The following RPS6KA2 variants were observed in gnomAD, a reference collection of about 807,000 sequenced individuals.
RPS6KA2 encodes ribosomal protein S6 kinase A2, also known as ribosomal protein S6 kinase alpha-2.
RPS6KA2 carries 42 observed loss-of-function variants against 91.8 expected under a neutral mutation model. The ratio of observed to expected loss-of-function variants is 0.46; its 90% CI spans 0.36 to 0.59. The LOEUF is 0.59. Ranked by LOEUF, RPS6KA2 falls within the 20% of genes least tolerant of loss-of-function variation. The pLI, the probability that RPS6KA2 is intolerant of heterozygous loss-of-function variation, is 0.00. For missense variants in RPS6KA2, 798 were observed against 978.5 expected, an observed-to-expected ratio of 0.82 and a Z score of 2.46; for synonymous variants, 414 against 393.6, an observed-to-expected ratio of 1.05 and a Z score of -0.61.
At chr6:166,515,009 G>A (rs1008362684) in intron 3 of RPS6KA2, among the ~76,000 whole-genome samples, 1 of 152,100 alleles carries the variant, frequency 6.6e-6, no homozygotes, top group African/African-American at 2.4e-5. Context: ...AGATGCGAAC[G>A]CCCACCCCAC....
At chr6:166,684,365 C>T (rs1218223340) in intron 2 of RPS6KA2, among the ~76,000 whole-genome samples, 2 of 152,202 alleles carry the variant, frequency 1.3e-5, no homozygotes, top group Admixed American at 6.5e-5. Context: ...ATTTAAAGTG[C>T]GTATAAATAT....
chr6:166,773,773 G>A (rs150362494), intron 2 of RPS6KA2, among the ~76,000 whole-genome samples: 6 of 152,138 alleles, frequency 3.9e-5, no homozygotes, highest in Admixed American at 1.3e-4. Flanking sequence ...GTCAAAATAC[G>A]TTTAACATGA....
In RPS6KA2 at chr6:166,410,196, T is replaced by G. The variant is rs145004354; in HGVS notation, c.*2566A>C. On this transcript the variant is annotated 3_prime_UTR_variant, in exon 21 of 21. Transcript: ENST00000265678. ...CCGGGGGTGGGGGGTTGGGTTATGATGAACTGTGTGAGGAAGGAGAGCCAG... is the reference window on the plus strand; with the variant it reads ...CCGGGGGTGGGGGGTTGGGTTATGAGGAACTGTGTGAGGAAGGAGAGCCAG... The G allele has an allele frequency of 2.0e-5, 3 of 152,314 alleles. 1 individual carries two copies. Among genetic ancestry groups the G allele is most frequent in the Admixed American group, 2.0e-4 (3 of 15,296 alleles). The allele number at this position is 152,314 out of a possible 1,614,324, so 9.4% of individuals were successfully genotyped here.
In RPS6KA2 at chr6:166,571,826, T is replaced by C. The variant is rs374296582; in HGVS notation, c.100-33042A>G. 1.3e-3 allele frequency among the ~76,000 whole-genome samples: 200 copies of C among 152,300 alleles called. 5 individuals are homozygous for C. In the South Asian group the frequency reaches 0.038, roughly 29 times the overall value. ...TCTGGAAAGCAATCTGGTGCATTTG[T>C]ATCAAAAATCATAATCTTGAAACAA... On this transcript the variant is annotated intron_variant, in intron 1 of 20. Coordinates refer to ENST00000265678, the MANE Select transcript of RPS6KA2 (RefSeq NM_021135.6).
Position 166,490,679 on chromosome 6 carries a change from G to A in RPS6KA2, c.810C>T (p.Leu270=), listed in dbSNP as rs181101484. 4 of 1,610,606 alleles carry A rather than the reference G, an allele frequency of 2.5e-6. No homozygotes were observed. In the African/African-American group the frequency reaches 4.0e-5, roughly 16 times the overall value. ...GCTCCCACACTACTCACTTGAGGAT[G>A]AGAGCCATGGTCTCCTTCCTGTCCT... The part of the protein sequence containing the change: ...QGKDRKETMA[L]ILKAKLGMPQ... The change falls in exon 9 of 21, where the codon CTC becomes CTT. Residue 270 remains leucine (L), a synonymous_variant. Transcript: ENST00000265678. This position sits in a 1 kb window ranked among gnomAD's most constrained non-coding sequence, Gnocchi z 4.2.
intron 2 of RPS6KA2, among the ~76,000 whole-genome samples, chr6:166,693,329 A>G (rs982258025): frequency 2.6e-5 from 4 of 152,168 alleles, no homozygotes; most frequent in Non-Finnish European, 4.4e-5. Context: ...CGCGGAAGTG[A>G]TTCTTGTTGT....
At chr6:166,556,357 A>G (rs1003533064) in intron 1 of RPS6KA2, among the ~76,000 whole-genome samples, 3 of 152,206 alleles carry the variant, frequency 2.0e-5, no homozygotes, top group Non-Finnish European at 4.4e-5. Flanking sequence ...CTTGGCTTGT[A>G]AGTCCCTAAT....
At chr6:166,711,789 AGAGAG>A (rs1789864652) in intron 2 of RPS6KA2, among the ~76,000 whole-genome samples, 1 of 152,048 alleles carries the variant, frequency 6.6e-6, no homozygotes, top group Admixed American at 6.5e-5. Flanking sequence ...AAAGAAAGAG[AGAGAG>A]AGAGAGAGAC....
intron 13 of RPS6KA2, among the ~76,000 whole-genome samples, chr6:166,449,082 C>T (rs1047292888): frequency 3.3e-5 from 5 of 152,194 alleles, no homozygotes; most frequent in Non-Finnish European, 7.3e-5. Context: ...CTTTGAGACA[C>T]CAGGCCGTTC....
In RPS6KA2 at chr6:166,702,520, A is replaced by G. The variant is rs116026535; in HGVS notation, c.123+155680T>C. 2.3e-3 allele frequency: 3,343 copies of G among 1,474,332 alleles called. 52 individuals are homozygous for G. In the African/African-American group the frequency reaches 0.035, roughly 15 times the overall value. The allele number at this position is 1,474,332 out of a possible 1,614,324, so 91.3% of individuals were successfully genotyped here. ...AGTGTTCACTTGCTGACAGCTCTCC[A>G]CCACTCCATACTGGACTAGTCAACT... On this transcript the variant is annotated intron_variant, in intron 2 of 21. Transcript: ENST00000503859.
chr6:166,595,744 A>G (rs934865315), intron 1 of RPS6KA2, among the ~76,000 whole-genome samples: 3 of 152,220 alleles, frequency 2.0e-5, no homozygotes, highest in African/African-American at 7.2e-5. Context: ...TCCTTACATG[A>G]TCTACCAGTC....
At chr6:166,619,609 G>A (rs1385231214) in intron 1 of RPS6KA2, among the ~76,000 whole-genome samples, 2 of 152,212 alleles carry the variant, frequency 1.3e-5, no homozygotes, top group Non-Finnish European at 2.9e-5. Context: ...GGCCTGCAGA[G>A]CCCCCTGGGC....
At chr6:166,466,622 T>C (rs1390784885) in intron 11 of RPS6KA2, among the ~76,000 whole-genome samples, 2 of 152,192 alleles carry the variant, frequency 1.3e-5, no homozygotes, top group Non-Finnish European at 1.5e-5. Flanking sequence ...GCATGGTCTC[T>C]GGAGGAAGGA....
intron 3 of RPS6KA2, among the ~76,000 whole-genome samples, chr6:166,529,721 A>C (rs1783199046): frequency 6.6e-6 from 1 of 152,242 alleles, no homozygotes. Context: ...TTGAAAAGTC[A>C]TATATCTAGG....
intron 19 of RPS6KA2, among the ~76,000 whole-genome samples, chr6:166,416,857 C>T (rs1778549691): frequency 6.6e-6 from 1 of 152,012 alleles, no homozygotes; most frequent in South Asian, 2.1e-4. Flanking sequence ...CTTCTGCCAT[C>T]CCTACACCAT....
At chr6:166,474,260 A>G (rs9356488) in intron 10 of RPS6KA2, among the ~76,000 whole-genome samples, 34,377 of 152,132 alleles carry the variant, frequency 0.23, 6,468 homozygotes, top group East Asian at 0.52. Context: ...TGAAGTCATT[A>G]AAAACACATC....
rs12527190 is a variant in RPS6KA2 at position 166,853,808 on chromosome 6, C to T, written c.123+4392G>A. On this transcript the variant is annotated intron_variant, in intron 2 of 21. Transcript: ENST00000503859. ...GGGAGCCACGAGCTTGTTTCCTGCA[C>T]GGAGCTGTCGCCTCATGGAGGCGCT... Among the ~76,000 whole-genome samples, 3,145 of 152,328 alleles carry T rather than the reference C, an allele frequency of 0.021. 207 individuals are homozygous for T. In the East Asian group the frequency reaches 0.25, roughly 12 times the overall value.
intron 2 of RPS6KA2, among the ~76,000 whole-genome samples, chr6:166,832,902 A>G (rs1431123939): frequency 6.6e-6 from 1 of 152,264 alleles, no homozygotes; most frequent in Non-Finnish European, 1.5e-5. Flanking sequence ...AATTTTAATT[A>G]TAATGTTCAC....
intron 11 of RPS6KA2, among the ~76,000 whole-genome samples, chr6:166,462,830 T>C (rs941946734): frequency 6.6e-6 from 1 of 152,178 alleles, no homozygotes; most frequent in African/African-American, 2.4e-5. Context: ...GAGGCATGCG[T>C]GTGAGAGTGG....
Sources: gnomAD v4.1 joint callset for allele counts (sites outside exome capture counted in the v4.1 genomes callset) on GRCh38, gnomAD v4.1.1 for gene constraint, Gnocchi (gnomAD v3.1) non-coding constraint, MANE v1.5 for transcripts, NCBI Gene and HGNC (gene_info 2026-07-23, HGNC 2026-07-21) for gene names.